RFX5: variants seen among roughly 807,000 people sequenced by gnomAD.
RFX5 encodes the protein regulatory factor X5, also known as DNA-binding protein RFX5.
A neutral mutation model predicts 41.2 loss-of-function variants in RFX5; 30 were observed. The ratio of observed to expected loss-of-function variants is 0.73; its 90% CI spans 0.54 to 0.99. The LOEUF (loss-of-function observed/expected upper bound fraction) is 0.99, where lower values mean the gene tolerates loss of function less well. Ranked by LOEUF, RFX5 falls within the 50% of genes least tolerant of loss-of-function variation. The pLI is 0.00. For missense variants in RFX5, 715 were observed against 773.6 expected (o/e 0.92, Z 0.90); for synonymous variants, 231 against 291.8 (o/e 0.79, Z 2.12).
Position 151,345,114 on chromosome 1 carries a change from T to C in RFX5, c.225A>G (p.Gly75=). The change falls in exon 5 of 11, where the codon GGA becomes GGG. Residue 75 remains glycine (G), a synonymous_variant. Transcript: ENST00000452671. The part of the protein sequence containing the change: ...YLQLPSGPTT[G]DKSSEPSTLS... Reference sequence around the variant, plus strand: ...ACTACTATCAAACCTACCTTTTGTCTCCAGTGGTGGGTCCTGAGGGGAGCT... The same window carrying C: ...ACTACTATCAAACCTACCTTTTGTCCCCAGTGGTGGGTCCTGAGGGGAGCT... The C allele has an allele frequency of 6.2e-7, 1 of 1,613,920 alleles. No individual in the cohort carries two copies. The highest frequency in any genetic ancestry group is 8.5e-7 in the Non-Finnish European group (1 of 1,179,812).
In RFX5 at chr1:151,346,204, C is replaced by A; in HGVS notation, c.116+1G>T. 3 of 1,613,968 alleles carry A rather than the reference C, an allele frequency of 1.9e-6. No homozygotes were observed. The highest frequency in any genetic ancestry group is 2.5e-6 in the Non-Finnish European group (3 of 1,179,846). On this transcript the variant is annotated splice_donor_variant, in intron 3 of 10. Coordinates refer to ENST00000452671, the MANE Select transcript of RFX5 (RefSeq NM_001025603.2). LOFTEE classifies it high-confidence loss of function. ...GACTTGGAGATGTGATGAGTACTTA[C>A]GAAATGGTACCTCGGAGCCTCTGAA...
In RFX5 at chr1:151,344,823, A is replaced by G. The variant is rs1277506184; in HGVS notation, c.258T>C (p.Asn86=). The change falls in exon 6 of 11, where the codon AAT becomes AAC. Residue 86 remains asparagine, a synonymous_variant. Transcript: ENST00000452671. Reference sequence around the variant, plus strand: ...ACCTATAGGCATACATGTACTCCTCATTGCTCAGTGTACTTGGCTCTGAGC... The same window carrying G: ...ACCTATAGGCATACATGTACTCCTCGTTGCTCAGTGTACTTGGCTCTGAGC... ...DKSSEPSTLS[N]EEYMYAYRWI... is the part of the protein sequence containing the mutation. The G allele has an allele frequency of 1.2e-6, 2 of 1,613,672 alleles. No homozygotes were observed. Among genetic ancestry groups the G allele is most frequent in the African/African-American group, 1.3e-5 (1 of 74,754 alleles).
In RFX5 at chr1:151,344,866, C is replaced by T. The variant is rs771984110; in HGVS notation, c.234-19G>A. 1.9e-6 allele frequency: 3 copies of T among 1,614,060 alleles called. No individual in the cohort carries two copies. ...CTCTGAGCTACAGAAACAAAAGGAA[C>T]AAGCATTACTAAGACCCTAACAGTT... On this transcript the variant is annotated intron_variant, in intron 5 of 10. Coordinates refer to ENST00000452671, the MANE Select transcript of RFX5 (RefSeq NM_001025603.2).
At chr1:151,344,027 A>G (rs1650766879) in intron 8 of RFX5, 145 bp from the exon 9 acceptor site, 1 of 1,117,970 alleles carries the variant, frequency 8.9e-7, no homozygotes, top group Non-Finnish European at 1.3e-6. Context: ...GCAGAAGCCC[A>G]CAAGTTCTCT....
intron 7 of RFX5, 50 bp downstream of exon 7, chr1:151,344,367 T>A (rs778212866): frequency 6.2e-7 from 1 of 1,614,038 alleles, no homozygotes; most frequent in East Asian, 2.2e-5. Flanking sequence ...CTCCACATCC[T>A]AAGTCTTCCT....
intron 1 of RFX5, 147 bp downstream of exon 1, chr1:151,347,064 G>A (rs562872791): frequency 2.0e-5 from 3 of 152,660 alleles, no homozygotes; most frequent in African/African-American, 4.8e-5. Flanking sequence ...CCAGATTCCG[G>A]GCACGTGCAC....
At chr1:151,343,504 T>A in intron 9 of RFX5, 62 bp from the exon 10 acceptor site, 1 of 1,530,218 alleles carries the variant, frequency 6.5e-7, no homozygotes. Context: ...AATAGGGGAG[T>A]GAGGCAATTC....
intron 8 of RFX5, 78 bp from the exon 9 acceptor site, chr1:151,343,960 CTA>C: frequency 1.3e-6 from 2 of 1,500,052 alleles, no homozygotes; most frequent in Non-Finnish European, 1.8e-6. Flanking sequence ...AGATCAAAGA[CTA>C]TTGACCAAAG....
At position 151,345,818 on chromosome 1, in the gene RFX5, C is replaced by G. The variant is rs1348499817; in HGVS notation, c.150+110G>C. The G allele has an allele frequency of 2.0e-6, 3 of 1,474,598 alleles. No homozygotes were observed. The African/African-American group carries it at 4.2e-5, about 20-fold the overall frequency. 91.3% of individuals were successfully genotyped at this position (1,474,598 alleles called of 1,614,324 possible). On this transcript the variant is annotated intron_variant, in intron 4 of 10. Coordinates refer to ENST00000452671, the MANE Select transcript of RFX5 (RefSeq NM_001025603.2). ...CAAAGCCAACTATCTTCTGACAAGG[C>G]AGAGGACCCTACCTCTCCCACATCA... is the stretch of plus-strand genomic sequence containing the variant.
Position 151,342,278 on chromosome 1 carries a change from T to A in RFX5, c.1759A>T (p.Thr587Ser), listed in dbSNP as rs769690666. The change falls in exon 11 of 11, where the codon ACT becomes TCT. Residue 587 changes from threonine (T) to serine (S), a missense_variant. Thr to Ser is a moderately conservative substitution (Grantham distance 58, BLOSUM62 1). Coordinates refer to ENST00000452671, the MANE Select transcript of RFX5 (RefSeq NM_001025603.2). ...AFPLAKGEVDTAPQGNKDLKE... is the reference protein window; with the variant it reads ...AFPLAKGEVDSAPQGNKDLKE... Reference sequence around the variant, plus strand: ...AAGTCTTTATTACCCTGTGGTGCAGTGTCTACCTCTCCCTTTGCCAAAGGA... The same window carrying A: ...AAGTCTTTATTACCCTGTGGTGCAGAGTCTACCTCTCCCTTTGCCAAAGGA... 1.5e-5 allele frequency: 25 copies of A among 1,614,090 alleles called. No individual in the cohort carries two copies. The Admixed American group carries it at 1.7e-4, about 11-fold the overall frequency.
intron 4 of RFX5, chr1:151,345,591 G>A (rs1393211668): frequency 2.3e-5 from 8 of 350,968 alleles, no homozygotes; most frequent in African/African-American, 1.1e-4. Context: ...CAGCCTAGGC[G>A]ACAGAGTGAG....
In RFX5 at chr1:151,346,193, A is replaced by G. The variant is rs371561606; in HGVS notation, c.116+12T>C. 36 of 1,612,758 alleles carry G rather than the reference A, an allele frequency of 2.2e-5. No homozygotes were observed. In the African/African-American group the frequency reaches 4.3e-4, roughly 19 times the overall value. ...GTCTTGGACAGGACTTGGAGATGTG[A>G]TGAGTACTTACGAAATGGTACCTCG... is the stretch of plus-strand genomic sequence containing the variant. On this transcript the variant is annotated intron_variant, in intron 3 of 10. Transcript: ENST00000452671.
Position 151,342,862 on chromosome 1 carries a change from G to C in RFX5, c.1175C>G (p.Pro392Arg). 6.2e-7 allele frequency: 1 copy of C among 1,614,220 alleles called. No homozygotes were observed. Among genetic ancestry groups the C allele is most frequent in the Non-Finnish European group, 8.5e-7 (1 of 1,180,044 alleles). Residue 392 changes from proline (P) to arginine (R), a missense_variant, in exon 11 of 11, where the codon CCT (proline) becomes CGT (arginine). Physicochemically the swap from Pro to Arg is moderately radical, Grantham distance 103. Coordinates refer to ENST00000452671, the MANE Select transcript of RFX5 (RefSeq NM_001025603.2). The stretch of plus-strand genomic sequence containing the variant: ...TCGCCCAGGCCCAGGTCCAGGTCCA[G>C]GCAAAGCAGGAACAGTTGGTAAGAT... ...NMILPTVPAL[P>R]GPGPGPGRAP...
At chr1:151,346,852 GCCACGACTT>G (rs1470349631) in intron 1 of RFX5, 1 of 154,986 alleles carries the variant, frequency 6.5e-6, no homozygotes, top group Non-Finnish European at 1.4e-5. Flanking sequence ...ACTTAATCTC[GCCACGACTT>G]CCCCCGCTGC....
Position 151,344,505 on chromosome 1 carries a change from G to A in RFX5, c.385C>T (p.Pro129Ser), listed in dbSNP as rs1486774899. 1.9e-6 allele frequency: 3 copies of A among 1,614,086 alleles called. No homozygotes were observed. The highest frequency in any genetic ancestry group is 2.5e-6 in the Non-Finnish European group (3 of 1,180,038). Residue 129 changes from proline (P) to serine (S), a missense_variant, in exon 7 of 11, where the codon CCA becomes TCA. Pro to Ser is a moderately conservative substitution (Grantham distance 74). Coordinates refer to ENST00000452671, the MANE Select transcript of RFX5 (RefSeq NM_001025603.2). Reference protein sequence around the residue: ...KYCESLACCRPLSTANFGKII... With the variant: ...KYCESLACCRSLSTANFGKII... ...TTGCCAAAGTTGGCTGTGCTGAGTG[G>A]GCGGCAACAGGCAAGACTCTCACAG...
At position 151,342,374 on chromosome 1, in the gene RFX5, C is replaced by A. The variant is rs1650524227; in HGVS notation, c.1663G>T (p.Glu555Ter). 6.2e-7 allele frequency: 1 copy of A among 1,614,196 alleles called. No homozygotes were observed. The highest frequency in any genetic ancestry group is 2.2e-5 in the East Asian group (1 of 44,884). ...GAGGGGACCAAGGGAATTTTATCTT[C>A]TGCTTCTTTGGTATGCTGGGAACCG... ...GPGSQHTKEA[E>*]DKIPLVPSKV... The change falls in exon 11 of 11, where the codon GAA becomes TAA. Residue 555 changes from glutamate to a stop codon, truncating the protein, a stop_gained. Transcript: ENST00000452671. LOFTEE classifies it high-confidence loss of function.
In RFX5 at chr1:151,345,121, G is replaced by T. The variant is rs749521569; in HGVS notation, c.218C>A (p.Thr73Asn). ...YLYLQLPSGP[T>N]TGDKSSEPST... is the part of the protein sequence containing the mutation. ...TCAAACCTACCTTTTGTCTCCAGTG[G>T]TGGGTCCTGAGGGGAGCTGAAGGTA... The change falls in exon 5 of 11, where the codon ACC (threonine) becomes AAC (asparagine). Residue 73 changes from threonine (T) to asparagine (N), a missense_variant. Physicochemically the swap from Thr to Asn is moderately conservative, Grantham distance 65. Coordinates refer to ENST00000452671, the MANE Select transcript of RFX5 (RefSeq NM_001025603.2). The T allele has an allele frequency of 1.2e-6, 2 of 1,614,044 alleles. No homozygotes were observed. The highest frequency in any genetic ancestry group is 1.7e-6 in the Non-Finnish European group (2 of 1,179,920).
At position 151,342,023 on chromosome 1, in the gene RFX5, G is replaced by T; in HGVS notation, c.*163C>A. On this transcript the variant is annotated 3_prime_UTR_variant, in exon 11 of 11. Transcript: ENST00000452671. Reference sequence around the variant, plus strand: ...GGGTATCAAGCTGAAAAGGTCAGAGGCAGCAACCAGGTACTAAGTAGACTG... The same window carrying T: ...GGGTATCAAGCTGAAAAGGTCAGAGTCAGCAACCAGGTACTAAGTAGACTG... The T allele has an allele frequency of 2.1e-6, 2 of 967,212 alleles. No individual in the cohort carries two copies. The highest frequency in any genetic ancestry group is 3.3e-6 in the Non-Finnish European group (2 of 609,714). 59.9% of individuals were successfully genotyped at this position (967,212 alleles called of 1,614,324 possible).
Sources: allele counts gnomAD v4.1 joint callset, GRCh38; gene constraint gnomAD v4.1.1; transcripts MANE v1.5; gene names NCBI Gene and HGNC (gene_info 2026-07-23, HGNC 2026-07-21).